The following TNR variants were observed in gnomAD, a reference collection of about 807,000 sequenced individuals.
The protein encoded by TNR is tenascin R.
TNR carries 45 observed loss-of-function variants against 150.4 expected under a neutral mutation model. The ratio of observed to expected loss-of-function variants is 0.30; its 90% CI spans 0.24 to 0.38. TNR has a LOEUF of 0.38. Ranked by LOEUF, TNR falls within the 10% of genes least tolerant of loss-of-function variation. The probability of loss-of-function intolerance (pLI) is 1.00; values close to 1 mark genes in which losing one functional copy is unlikely to be tolerated. For synonymous variants in TNR, 687 were observed against 678.4 expected (o/e 1.01, Z -0.20); for missense variants, 1,544 against 1,759.1 (o/e 0.88, Z 2.19).
chr1:175,585,606 C>A (rs1022439008), intron 1 of TNR, among the ~76,000 whole-genome samples: 2 of 152,214 alleles, frequency 1.3e-5, no homozygotes, highest in South Asian at 4.1e-4. Context: ...TATACCAGAT[C>A]ACTCTGGCTC....
At chr1:175,396,405 A>C in intron 5 of TNR, 139 bp downstream of exon 5, 2 of 1,116,656 alleles carry the variant, frequency 1.8e-6, no homozygotes, top group Non-Finnish European at 2.5e-6. Context: ...AATGGGTCAC[A>C]TCTCTAGCCC....
At chr1:175,570,591 G>A (rs540152626) in intron 1 of TNR, among the ~76,000 whole-genome samples, 1 of 152,208 alleles carries the variant, frequency 6.6e-6, no homozygotes, top group East Asian at 1.9e-4. Context: ...TTTCATGTAC[G>A]AAGATTGAAT....
chr1:175,627,781 G>T (rs548703336), intron 1 of TNR, among the ~76,000 whole-genome samples: 1 of 151,770 alleles, frequency 6.6e-6, no homozygotes, highest in African/African-American at 2.4e-5. Flanking sequence ...TACACAATCA[G>T]ATGTGTTCTT....
chr1:175,649,984 G>A (rs995434120), intron 1 of TNR, among the ~76,000 whole-genome samples: 9 of 152,036 alleles, frequency 5.9e-5, no homozygotes, highest in East Asian at 1.9e-4. Context: ...GTGTTAAAAC[G>A]ACAAAAGATT....
chr1:175,649,357 A>C (rs1362551025), intron 1 of TNR, among the ~76,000 whole-genome samples: 1 of 152,162 alleles, frequency 6.6e-6, no homozygotes, highest in Admixed American at 6.5e-5. Context: ...CCCTGCCTGC[A>C]GTTACTTTTA....
chr1:175,371,578 G>C (rs1404641830), intron 9 of TNR, among the ~76,000 whole-genome samples: 1 of 152,154 alleles, frequency 6.6e-6, no homozygotes, highest in Admixed American at 6.5e-5. Context: ...ACGAAGGGGA[G>C]GGAAGAAAAA....
intron 1 of TNR, among the ~76,000 whole-genome samples, chr1:175,639,712 C>A (rs1254850690): frequency 6.6e-6 from 1 of 152,196 alleles, no homozygotes; most frequent in Non-Finnish European, 1.5e-5. Flanking sequence ...AACTTTCCAG[C>A]CTCACCAAGG....
At chr1:175,457,100 A>T (rs1656602604) in intron 2 of TNR, among the ~76,000 whole-genome samples, 2 of 152,202 alleles carry the variant, frequency 1.3e-5, no homozygotes, top group African/African-American at 4.8e-5. Context: ...AAATCCTGTT[A>T]AGGTTCCTCA....
chr1:175,665,888 T>C (rs1346161345), intron 1 of TNR, among the ~76,000 whole-genome samples: 1 of 152,074 alleles, frequency 6.6e-6, no homozygotes, highest in Admixed American at 6.5e-5. Flanking sequence ...TGTCTGAGTC[T>C]GCTTAAAAGA....
intron 2 of TNR, among the ~76,000 whole-genome samples, chr1:175,495,237 T>C (rs1218417601): frequency 6.6e-6 from 1 of 152,158 alleles, no homozygotes; most frequent in Non-Finnish European, 1.5e-5. Flanking sequence ...AATTACTCAG[T>C]GCAAAGAGCT....
At chr1:175,614,945 G>A (rs940214844) in intron 1 of TNR, among the ~76,000 whole-genome samples, 1 of 152,236 alleles carries the variant, frequency 6.6e-6, no homozygotes, top group Non-Finnish European at 1.5e-5. Flanking sequence ...AGAAAAAGCC[G>A]TGGAACTCCC....
At chr1:175,590,780 G>GT (rs1662768259) in intron 1 of TNR, among the ~76,000 whole-genome samples, 1 of 152,194 alleles carries the variant, frequency 6.6e-6, no homozygotes, top group Admixed American at 6.6e-5. Context: ...AGCAAAGCAG[G>GT]TAATAGCAGG....
At chr1:175,554,002 C>T (rs923313235) in intron 1 of TNR, among the ~76,000 whole-genome samples, 4 of 152,152 alleles carry the variant, frequency 2.6e-5, no homozygotes, top group African/African-American at 9.7e-5. Flanking sequence ...AAAATGGCCA[C>T]AAACAGGCCA....
chr1:175,489,976 C>T (rs1658175165), intron 2 of TNR, among the ~76,000 whole-genome samples: 2 of 152,236 alleles, frequency 1.3e-5, no homozygotes, highest in South Asian at 4.2e-4. Flanking sequence ...TCAAAATATA[C>T]TACTAGGCTA....
intron 1 of TNR, among the ~76,000 whole-genome samples, chr1:175,535,622 G>C (rs892640553): frequency 6.7e-6 from 1 of 149,210 alleles, no homozygotes; most frequent in Non-Finnish European, 1.5e-5. Flanking sequence ...CAACATGCCC[G>C]GCTAATTTTT....
rs78878901 is a variant in TNR, at chr1:175,371,597, A to C, written c.1964-4300T>G. 3.3e-5 allele frequency among the ~76,000 whole-genome samples: 5 copies of C among 152,368 alleles called. No homozygotes were observed. The East Asian group carries it at 9.6e-4, about 29-fold the overall frequency. On this transcript the variant is annotated intron_variant, in intron 9 of 22. Coordinates refer to ENST00000367674, the MANE Select transcript of TNR (RefSeq NM_003285.3). ...AGGGGAGGGAAGAAAAAGAGAAGTA[A>C]AAAATGAAGACTTTTTGAGTGTCTG...
At chr1:175,646,177 T>G (rs1394453346) in intron 1 of TNR, among the ~76,000 whole-genome samples, 1 of 152,236 alleles carries the variant, frequency 6.6e-6, no homozygotes, top group African/African-American at 2.4e-5. Flanking sequence ...TACTTAGATC[T>G]CTACAAACTT....
intron 1 of TNR, among the ~76,000 whole-genome samples, chr1:175,703,819 G>T (rs72727614): frequency 0.049 from 7,473 of 152,254 alleles, 244 homozygotes; most frequent in African/African-American, 0.08. Flanking sequence ...CAGATAAAAT[G>T]GCACAGCGTA....
At chr1:175,392,594 TG>T (rs1367894090) in intron 6 of TNR, among the ~76,000 whole-genome samples, 7 of 152,232 alleles carry the variant, frequency 4.6e-5, no homozygotes, top group Non-Finnish European at 1.5e-5. Flanking sequence ...GTAACTCAAT[TG>T]CCACATTTTA....
Sources: gnomAD v4.1 joint callset for allele counts (sites outside exome capture counted in the v4.1 genomes callset) on GRCh38, gnomAD v4.1.1 for gene constraint, MANE v1.5 for transcripts, NCBI Gene and HGNC (gene_info 2026-07-23, HGNC 2026-07-21) for gene names.